Variants in CLSPN observed in about 807,000 individuals in gnomAD.
CLSPN encodes claspin, also known as claspin homolog.
CLSPN carries 85 observed loss-of-function variants against 156.3 expected under a neutral mutation model. The observed-to-expected ratio is 0.54, with a 90% CI of 0.46 to 0.65. CLSPN has a LOEUF of 0.65. CLSPN is among the 30% of genes least tolerant of loss of function. The pLI is 0.00. For missense variants in CLSPN, 1,407 were observed against 1,554.9 expected (o/e 0.90, Z 1.60); for synonymous variants, 534 against 542.4 (o/e 0.98, Z 0.22).
chr1:35,760,757 C>G lies in CLSPN; in HGVS notation c.1164G>C (p.Gln388His), dbSNP rs148364009. Residue 388 changes from glutamine to histidine, a missense_variant, in exon 8 of 25, where the codon CAG (glutamine) becomes CAC (histidine). Transcript: ENST00000318121. ...AAGACTCATCTGATCCAGTAATGAT[C>G]TGGGTTTCCTTTGAAACTACAGGGA... The part of the protein sequence containing the change: ...NALPVVSKET[Q>H]IITGSDESCR... The G allele has an allele frequency of 9.1e-5, 147 of 1,613,906 alleles. No individual in the cohort carries two copies. In the African/African-American group the frequency reaches 1.6e-3, roughly 18 times the overall value.
At chr1:35,745,819 T>C (rs1641859773) in intron 15 of CLSPN, among the ~76,000 whole-genome samples, 1 of 152,220 alleles carries the variant, frequency 6.6e-6, no homozygotes, top group Admixed American at 6.5e-5. Context: ...GTTGTGTGTA[T>C]TGGGGGCAGG....
At chr1:35,765,084 T>C in intron 2 of CLSPN, 134 bp downstream of exon 2, 2 of 628,848 alleles carry the variant, frequency 3.2e-6, no homozygotes, top group Non-Finnish European at 2.7e-6. Flanking sequence ...GTTATTTTGC[T>C]TTTATAATAA....
rs1478861347 is a variant in CLSPN at position 35,749,680 on chromosome 1, T to C, written c.2160A>G (p.Ser720=). 6.2e-7 allele frequency: 1 copy of C among 1,614,140 alleles called. No individual in the cohort carries two copies. The highest frequency in any genetic ancestry group is 8.5e-7 in the Non-Finnish European group (1 of 1,180,002). ...VGFLSVPKSL[S]SDSTLLLFKD... is the part of the protein sequence containing the mutation. ...TAAACAGAAGTAAAGTAGAATCTGA[T>C]GAGAGAGACTTGGGAACAGAGAGGA... Residue 720 remains serine (S), a synonymous_variant, in exon 11 of 25, where the codon TCA becomes TCG. Transcript: ENST00000318121.
intron 9 of CLSPN, among the ~76,000 whole-genome samples, chr1:35,752,607 C>T (rs1221261368): frequency 7.0e-6 from 1 of 143,240 alleles, no homozygotes; most frequent in Non-Finnish European, 1.5e-5. Context: ...AAAAAAAAGC[C>T]TCAAAAGCAA....
chr1:35,761,560 C>A (rs925367550), intron 6 of CLSPN, among the ~76,000 whole-genome samples: 3 of 152,152 alleles, frequency 2.0e-5, no homozygotes, highest in African/African-American at 7.2e-5. Context: ...GCAGATGGTA[C>A]TAAACCATGC....
At chr1:35,737,695 T>A (rs1641524648) in intron 22 of CLSPN, 1 of 467,448 alleles carries the variant, frequency 2.1e-6, no homozygotes, top group African/African-American at 1.9e-5. Context: ...ATTCAAATCC[T>A]ACCTCTAACA....
chr1:35,762,411 G>A lies in CLSPN; in HGVS notation c.815C>T (p.Thr272Met), dbSNP rs141350492. 1.7e-4 allele frequency: 267 copies of A among 1,613,320 alleles called. No individual in the cohort carries two copies. The highest frequency in any genetic ancestry group is 4.5e-4 in the Admixed American group (27 of 59,992). ...EEGSELSKGTTRKERKAARLS... is the reference protein window; with the variant it reads ...EEGSELSKGTMRKERKAARLS... Reference sequence around the variant, plus strand: ...TACAGGGCTCTACCTCACCTTCCTCGTGGTTCCTTTTGATAACTCACTTCC... The same window carrying A: ...TACAGGGCTCTACCTCACCTTCCTCATGGTTCCTTTTGATAACTCACTTCC... The change falls in exon 5 of 25, where the codon ACG becomes ATG. Residue 272 changes from threonine (T) to methionine (M), a missense_variant. By Grantham distance (81) the Thr-to-Met change is moderately conservative (BLOSUM62 -1). This residue lies in a region of CLSPN where 1,096 missense variants were observed against 1,193.0 expected (regional missense o/e 0.92). Transcript: ENST00000318121.
chr1:35,734,633 A>G lies in CLSPN; in HGVS notation c.*1863T>C, dbSNP rs620296. 0.99 allele frequency: 527,904 copies of G among 531,050 alleles called. 262,474 individuals are homozygous for G. Among genetic ancestry groups the G allele is most frequent in the East Asian group, 1 (6,642 of 6,642 alleles). The allele number at this position is 531,050 out of a possible 1,614,324, so 32.9% of individuals were successfully genotyped here. ...GCGGAGGTTGCAGTAAGCCGAGATC[A>G]TGCCATTGTATTCCAGCCTAGGTGA... On this transcript the variant is annotated 3_prime_UTR_variant, in exon 25 of 25. Transcript: ENST00000318121.
chr1:35,753,900 G>A lies in CLSPN; in HGVS notation c.1616C>T (p.Ala539Val). ...AGCCCTGGGTTTGGCTGCTGGATTA[G>A]CATGCTTCCAGAAACGCTGCTTCAA... is the stretch of plus-strand genomic sequence containing the variant. Reference protein sequence around the residue: ...EALKQRFWKHANPAAKPRAGQ... With the variant: ...EALKQRFWKHVNPAAKPRAGQ... The change falls in exon 9 of 25, where the codon GCT becomes GTT. Residue 539 changes from alanine to valine, a missense_variant. This residue lies in a region of CLSPN where 1,096 missense variants were observed against 1,193.0 expected (regional missense o/e 0.92). Coordinates refer to ENST00000318121, the MANE Select transcript of CLSPN (RefSeq NM_022111.4). 2 of 1,614,180 alleles carry A rather than the reference G, an allele frequency of 1.2e-6. No homozygotes were observed. Among genetic ancestry groups the A allele is most frequent in the Non-Finnish European group, 1.7e-6 (2 of 1,180,038 alleles).
At chr1:35,729,899 C>T (rs1036662661), downstream of CLSPN, among the ~76,000 whole-genome samples, 1 of 152,160 alleles carries the variant, frequency 6.6e-6, no homozygotes, top group Non-Finnish European at 1.5e-5. Flanking sequence ...CACATGAGCC[C>T]CATTTTCCAG....
intron 9 of CLSPN, among the ~76,000 whole-genome samples, chr1:35,752,960 T>C (rs529722338): frequency 1.3e-5 from 2 of 152,328 alleles, no homozygotes; most frequent in Non-Finnish European, 2.9e-5. Context: ...ATACCTTTTT[T>C]CAGTGTTTAA....
chr1:35,746,935 T>G lies in CLSPN; in HGVS notation c.2685A>C (p.Pro895=), dbSNP rs149617599. The change falls in exon 15 of 25, where the codon CCA becomes CCC. Residue 895 remains proline, a synonymous_variant. Transcript: ENST00000318121. The surrounding 1 kb of genome is among the most constrained non-coding windows in gnomAD (Gnocchi z 4.2). ...TGGCATTCTCATCCATACTGGCCAATGGCAATCGAGGCTTCAAAGCTTGGT... is the reference window on the plus strand; with the variant it reads ...TGGCATTCTCATCCATACTGGCCAAGGGCAATCGAGGCTTCAAAGCTTGGT... ...NQYQALKPRL[P]LASMDENAMD... 36 of 1,614,086 alleles carry G rather than the reference T, an allele frequency of 2.2e-5. No homozygotes were observed. The highest frequency in any genetic ancestry group is 2.9e-5 in the Non-Finnish European group (34 of 1,180,054).
At chr1:35,720,654 G>T (rs1571178055) in exon 25 of CLSPN, 1 of 251,666 alleles carries the variant, frequency 4.0e-6, no homozygotes, top group East Asian at 8.7e-5. Flanking sequence ...CACCATGTTG[G>T]TCAGGTTGGT....
chr1:35,721,426 C>A (rs1462437431), intron 24 of CLSPN, among the ~76,000 whole-genome samples: 1 of 152,160 alleles, frequency 6.6e-6, no homozygotes, highest in Middle Eastern at 3.2e-3. Flanking sequence ...GTTTCACTGT[C>A]ACCCAGGCTG....
intron 1 of CLSPN, among the ~76,000 whole-genome samples, 185 bp downstream of exon 1, chr1:35,769,662 A>G (rs1642798755): frequency 1.3e-5 from 2 of 152,116 alleles, no homozygotes; most frequent in Non-Finnish European, 2.9e-5. Context: ...CGGCGGCGGG[A>G]CGGGATGCCC....
downstream of CLSPN, among the ~76,000 whole-genome samples, chr1:35,727,444 C>A (rs536940841): frequency 6.4e-4 from 97 of 152,308 alleles, no homozygotes; most frequent in Middle Eastern, 3.4e-3. Context: ...CAATTCCCAC[C>A]CTGGAAGACT....
In CLSPN at chr1:35,738,111, AAAATAT is replaced by A. The variant is rs770342694; in HGVS notation, c.3559-20_3559-15del. 4,593 of 615,970 alleles carry A rather than the reference AAAATAT, an allele frequency of 7.5e-3. 259 individuals are homozygous for A. The Admixed American group carries it at 0.14, about 19-fold the overall frequency. The allele number at this position is 615,970 out of a possible 1,614,324, so 38.2% of individuals were successfully genotyped here. ...CCCCTGCTGTGCCTGAAAAAAAAAA[AAAATAT>A]ATATATATATATATATATATATACA... is the stretch of plus-strand genomic sequence containing the variant. On this transcript the variant is annotated splice_polypyrimidine_tract_variant and intron_variant, in intron 21 of 24. Transcript: ENST00000318121.
At chr1:35,768,683 T>C (rs916524401) in intron 1 of CLSPN, among the ~76,000 whole-genome samples, 1 of 152,128 alleles carries the variant, frequency 6.6e-6, no homozygotes. Flanking sequence ...CCCGAAGTGC[T>C]GGGATTGCTG....
rs1467607018 is a variant in CLSPN at position 35,734,963 on chromosome 1, G to A, written c.*1533C>T. ...TAGTTCAGGGAAAATGGAGAATGATGGCAATTCTCTTCAATAATATTTTTA... is the reference window on the plus strand; with the variant it reads ...TAGTTCAGGGAAAATGGAGAATGATAGCAATTCTCTTCAATAATATTTTTA... On this transcript the variant is annotated 3_prime_UTR_variant, in exon 25 of 25. Coordinates refer to ENST00000318121, the MANE Select transcript of CLSPN (RefSeq NM_022111.4). 4 of 985,208 alleles carry A rather than the reference G, an allele frequency of 4.1e-6. No individual in the cohort carries two copies. The highest frequency in any genetic ancestry group is 4.8e-6 in the Non-Finnish European group (4 of 829,854). The allele number at this position is 985,208 out of a possible 1,614,324, so 61.0% of individuals were successfully genotyped here.
Sources: allele counts gnomAD v4.1 joint callset (sites outside exome capture counted in the v4.1 genomes callset), GRCh38; gene constraint gnomAD v4.1.1; regional missense constraint gnomAD v4.1.1; non-coding constraint Gnocchi (gnomAD v3.1); transcripts MANE v1.5; gene names NCBI Gene and HGNC (gene_info 2026-07-23, HGNC 2026-07-21).